EXOC4: variants seen among roughly 807,000 people sequenced by gnomAD.
EXOC4 encodes the protein SEC8-like 1.
EXOC4 carries 71 observed loss-of-function variants against 107.2 expected under a neutral mutation model. That is an observed-to-expected ratio of 0.66 (90% confidence interval 0.55 to 0.81). EXOC4 has a LOEUF of 0.81. Ranked by LOEUF, EXOC4 falls within the 30% of genes least tolerant of loss-of-function variation. The pLI, the probability that EXOC4 is intolerant of heterozygous loss-of-function variation, is 0.00. For missense variants in EXOC4, 1,108 were observed against 1,189.6 expected, an observed-to-expected ratio of 0.93 and a Z score of 1.01; for synonymous variants, 456 against 441.2, an observed-to-expected ratio of 1.03 and a Z score of -0.42.
chr7:134,033,024 TAGG>T (rs1296980862), intron 17 of EXOC4, among the ~76,000 whole-genome samples: 7 of 152,104 alleles, frequency 4.6e-5, no homozygotes, highest in African/African-American at 1.7e-4. Context: ...TGAGAAAGAA[TAGG>T]AGGATTTACC....
chr7:134,029,997 C>T (rs1313624808), intron 17 of EXOC4, among the ~76,000 whole-genome samples: 1 of 152,154 alleles, frequency 6.6e-6, no homozygotes. Context: ...GAGGTTATAA[C>T]AGATTGGCAA....
At chr7:133,330,097 C>A (rs1341133693) in intron 5 of EXOC4, among the ~76,000 whole-genome samples, 1 of 152,148 alleles carries the variant, frequency 6.6e-6, no homozygotes, top group Non-Finnish European at 1.5e-5. Flanking sequence ...GGGGCTGCTG[C>A]CTTTTTTCAG....
intron 12 of EXOC4, among the ~76,000 whole-genome samples, chr7:133,899,626 T>A (rs115180710): frequency 0.013 from 1,932 of 152,328 alleles, 34 homozygotes; most frequent in African/African-American, 0.044. Context: ...ACATTCCCAG[T>A]TTCTGGTATG....
At chr7:134,085,446 T>C in the EXOC4 span, among the ~76,000 whole-genome samples, 1 of 152,094 alleles carries the variant, frequency 6.6e-6, no homozygotes, top group Non-Finnish European at 1.5e-5. Context: ...AATAGCAAAA[T>C]GTTGTAACAT....
At chr7:133,665,638 A>T (rs527683251) in intron 10 of EXOC4, among the ~76,000 whole-genome samples, 1 of 152,270 alleles carries the variant, frequency 6.6e-6, no homozygotes, top group East Asian at 1.9e-4. Context: ...GATATTCAGA[A>T]CACTTTTTAC....
intron 10 of EXOC4, among the ~76,000 whole-genome samples, chr7:133,631,503 A>G (rs1364194871): frequency 6.6e-6 from 1 of 152,084 alleles, no homozygotes; most frequent in Admixed American, 6.5e-5. Flanking sequence ...AAAAACATAA[A>G]TATGTAAATT....
chr7:133,859,713 TAG>T (rs1315789213), intron 11 of EXOC4, among the ~76,000 whole-genome samples: 2 of 152,186 alleles, frequency 1.3e-5, no homozygotes, highest in African/African-American at 4.8e-5. Context: ...AAAATCCTTC[TAG>T]AGATAGAACA....
chr7:133,825,197 A>AT (rs1482764506), intron 11 of EXOC4, among the ~76,000 whole-genome samples: 1 of 151,116 alleles, frequency 6.6e-6, no homozygotes, highest in Non-Finnish European at 1.5e-5. Context: ...AAAAAAAAAA[A>AT]GAAAGAAAGA....
chr7:133,711,279 A>T (rs548382712), intron 10 of EXOC4, among the ~76,000 whole-genome samples: 1 of 152,190 alleles, frequency 6.6e-6, no homozygotes, highest in African/African-American at 2.4e-5. Context: ...TCTGTCTGCA[A>T]TGGGCCACTA....
In EXOC4 at chr7:133,840,976, T is replaced by TGACC; in HGVS notation, c.1734+23432_1734+23433insGACC. On this transcript the variant is annotated intron_variant, in intron 11 of 17. Coordinates refer to ENST00000253861, the MANE Select transcript of EXOC4 (RefSeq NM_021807.4). ...GAAGAATGGGTATTGTCATAGGCCA[T>TGACC]TCGGGCTGCCGTAACAAAATACCAC... Among the ~76,000 whole-genome samples the TGACC allele has an allele frequency of 1.3e-5, 2 of 152,216 alleles. 1 individual carries two copies. Among genetic ancestry groups the TGACC allele is most frequent in the South Asian group, 4.1e-4 (2 of 4,828 alleles).
At chr7:133,728,691 T>A (rs766151382) in intron 10 of EXOC4, among the ~76,000 whole-genome samples, 1 of 152,228 alleles carries the variant, frequency 6.6e-6, no homozygotes, top group Non-Finnish European at 1.5e-5. Context: ...CTTACCCCAT[T>A]TCATTATTAG....
At chr7:133,675,698 G>A (rs1054633347) in intron 10 of EXOC4, among the ~76,000 whole-genome samples, 2 of 152,086 alleles carry the variant, frequency 1.3e-5, no homozygotes, top group African/African-American at 2.4e-5. Flanking sequence ...AGATGAATTA[G>A]CCCCTCACTA....
At chr7:133,714,721 C>T (rs1209666917) in intron 10 of EXOC4, among the ~76,000 whole-genome samples, 4 of 152,088 alleles carry the variant, frequency 2.6e-5, no homozygotes, top group East Asian at 1.9e-4. Context: ...GGAGGATGTG[C>T]GTAGGTTACA....
At chr7:133,854,866 A>G in intron 11 of EXOC4, among the ~76,000 whole-genome samples, 1 of 149,598 alleles carries the variant, frequency 6.7e-6, no homozygotes, top group African/African-American at 2.5e-5. Context: ...ACACTTTATG[A>G]TCTAGATCAT....
intron 10 of EXOC4, among the ~76,000 whole-genome samples, chr7:133,769,404 T>C (rs1004783010): frequency 6.6e-6 from 1 of 151,904 alleles, no homozygotes; most frequent in Non-Finnish European, 1.5e-5. Context: ...GAAAGTTTCA[T>C]TCCCAATTAA....
chr7:134,092,649 C>A, the EXOC4 span, among the ~76,000 whole-genome samples: 1 of 152,086 alleles, frequency 6.6e-6, no homozygotes, highest in Non-Finnish European at 1.5e-5. Flanking sequence ...CTTTTCCAGA[C>A]AAGAAAGTGC....
chr7:133,614,762 C>T (rs142851793), intron 9 of EXOC4, among the ~76,000 whole-genome samples: 107 of 65,714 alleles, frequency 1.6e-3, no homozygotes, highest in African/African-American at 5.8e-3. Flanking sequence ...GCCGATCAAA[C>T]GAGTCATGAA....
the EXOC4 span, among the ~76,000 whole-genome samples, chr7:134,083,786 AG>A: frequency 1.7e-4 from 26 of 152,228 alleles, no homozygotes; most frequent in Middle Eastern, 3.2e-3. Context: ...AAAATGTAAT[AG>A]GCCAGTCATA....
intron 7 of EXOC4, among the ~76,000 whole-genome samples, chr7:133,383,589 A>G (rs1288688660): frequency 6.6e-6 from 1 of 152,130 alleles, no homozygotes; most frequent in Non-Finnish European, 1.5e-5. Flanking sequence ...GAATCCACAA[A>G]ATTATTAGTA....
Sources: allele counts gnomAD v4.1 joint callset (sites outside exome capture counted in the v4.1 genomes callset), GRCh38; gene constraint gnomAD v4.1.1; transcripts MANE v1.5; gene names NCBI Gene and HGNC (gene_info 2026-07-23, HGNC 2026-07-21).